Variants in CRYZ observed in about 807,000 individuals in gnomAD.
CRYZ encodes the protein crystallin zeta, also known as zeta-crystallin.
CRYZ carries 35 observed loss-of-function variants against 34.1 expected under a neutral mutation model. The ratio of observed to expected loss-of-function variants is 1.03; its 90% CI spans 0.78 to 1.36. CRYZ has a LOEUF of 1.36. CRYZ is among the 40% of genes most tolerant of loss of function. CRYZ has a pLI of 0.00. For missense variants in CRYZ, 403 were observed against 391.8 expected (o/e 1.03, Z -0.24); for synonymous variants, 137 against 136.5 (o/e 1.00, Z -0.03).
chr1:74,727,309 G>A (rs1405742407), intron 1 of CRYZ, among the ~76,000 whole-genome samples: 7 of 149,550 alleles, frequency 4.7e-5, no homozygotes, highest in African/African-American at 1.2e-4. Context: ...TGGCTGGGGA[G>A]ACCTCACAAT....
chr1:74,714,572 T>C lies in CRYZ; in HGVS notation c.480+7A>G. On this transcript the variant is annotated splice_region_variant and intron_variant, in intron 5 of 8. Coordinates refer to ENST00000340866, the MANE Select transcript of CRYZ (RefSeq NM_001889.4). ...TTGTTTCAAAATACATTAAAAAAAA[T>C]ACTTACTCCTCCACTTGCCCCATGA... is the stretch of plus-strand genomic sequence containing the variant. 6.2e-7 allele frequency: 1 copy of C among 1,612,610 alleles called. No individual in the cohort carries two copies. The highest frequency in any genetic ancestry group is 8.5e-7 in the Non-Finnish European group (1 of 1,178,928).
intron 1 of CRYZ, among the ~76,000 whole-genome samples, chr1:74,730,956 C>T (rs1468980562): frequency 6.6e-6 from 1 of 152,110 alleles, no homozygotes; most frequent in Non-Finnish European, 1.5e-5. Flanking sequence ...ATACAAAGGA[C>T]ATGATTCTAT....
chr1:74,732,597 CGGGGGGGGG>C lies in CRYZ; in HGVS notation c.-14+350_-14+358del, dbSNP rs56898084. Among the ~76,000 whole-genome samples the C allele has an allele frequency of 1.2e-3, 65 of 52,698 alleles. 5 individuals are homozygous for C. The highest frequency in any genetic ancestry group is 1.1e-3 in the Admixed American group (7 of 6,254). The allele number at this position is 52,698 out of a possible 152,430, so 34.6% of individuals were successfully genotyped here. ...AGGGAAAAATCAAGCGGGTGACTGG[CGGGGGGGGG>C]GGGGGGGGGTGCAGCGTGGGGCTGG... is the stretch of plus-strand genomic sequence containing the variant. On this transcript the variant is annotated intron_variant, in intron 1 of 8. Coordinates refer to ENST00000340866, the MANE Select transcript of CRYZ (RefSeq NM_001889.4).
intron 1 of CRYZ, among the ~76,000 whole-genome samples, chr1:74,731,713 C>G (rs1647753773): frequency 6.6e-6 from 1 of 152,144 alleles, no homozygotes; most frequent in African/African-American, 2.4e-5. Flanking sequence ...GAACTCGCTG[C>G]GCTAACCAGA....
intron 5 of CRYZ, among the ~76,000 whole-genome samples, chr1:74,710,520 A>C (rs1007088534): frequency 1.3e-5 from 2 of 152,240 alleles, no homozygotes; most frequent in Admixed American, 1.3e-4. Context: ...ACAGATAAGA[A>C]AGTTGAAGCT....
chr1:74,707,230 G>A, intron 6 of CRYZ, 26 bp from the exon 7 acceptor site: 1 of 1,287,268 alleles, frequency 7.8e-7, no homozygotes, highest in Non-Finnish European at 1.1e-6. Flanking sequence ...GAAATGTAGA[G>A]TAAGATAGCA....
At position 74,724,818 on chromosome 1, in the gene CRYZ, C is replaced by T. The variant is rs772178785; in HGVS notation, c.4G>A (p.Ala2Thr). The change falls in exon 2 of 9, where the codon GCG becomes ACG. Residue 2 changes from alanine to threonine, a missense_variant. By Grantham distance (58) the Ala-to-Thr change is moderately conservative. Transcript: ENST00000340866. M[A>T]TGQKLMRAVR... is the part of the protein sequence containing the mutation. Reference sequence around the variant, plus strand: ...GCTCTCATCAACTTCTGTCCAGTCGCCATGGTGATCTAGATACTAAGGAAG... The same window carrying T: ...GCTCTCATCAACTTCTGTCCAGTCGTCATGGTGATCTAGATACTAAGGAAG... The T allele has an allele frequency of 1.8e-5, 28 of 1,598,852 alleles. 1 individual carries two copies. The Middle Eastern group carries it at 6.6e-4, about 38-fold the overall frequency.
chr1:74,709,132 TG>T (rs757359524), intron 6 of CRYZ, among the ~76,000 whole-genome samples: 20 of 152,098 alleles, frequency 1.3e-4, no homozygotes, highest in Non-Finnish European at 2.9e-4. Context: ...CAAGAAGTTT[TG>T]TGGGAAAGAG....
chr1:74,710,633 T>C (rs1298318214), intron 5 of CRYZ, among the ~76,000 whole-genome samples: 5 of 152,166 alleles, frequency 3.3e-5, no homozygotes, highest in East Asian at 3.9e-4. Context: ...ATCAAGATGT[T>C]TGCAGGGTTT....
Position 74,706,396 on chromosome 1 carries a change from G to A in CRYZ, c.890C>T (p.Pro297Leu). 1 of 1,612,526 alleles carries A rather than the reference G, an allele frequency of 6.2e-7. No homozygotes were observed. The highest frequency in any genetic ancestry group is 1.1e-5 in the South Asian group (1 of 90,834). The change falls in exon 9 of 9, where the codon CCT (proline) becomes CTT (leucine). Residue 297 changes from proline to leucine, a missense_variant. Transcript: ENST00000340866. ...CAATGGATATTGAGAACCTATCACAGGTTTCAACCAGCCAATTTCCATTCC... is the reference window on the plus strand; with the variant it reads ...CAATGGATATTGAGAACCTATCACAAGTTTCAACCAGCCAATTTCCATTCC... ...QAGMEIGWLK[P>L]VIGSQYPLEK...
chr1:74,728,953 G>A (rs1647536886), intron 1 of CRYZ, among the ~76,000 whole-genome samples: 1 of 151,724 alleles, frequency 6.6e-6, no homozygotes. Flanking sequence ...GGCAGGGCTG[G>A]GAAAAAAACA....
rs778423644 is a variant in CRYZ, at chr1:74,723,129, A to T, written c.253T>A (p.Ser85Thr). Residue 85 changes from serine (S) to threonine (T), a missense_variant, in exon 3 of 9, where the codon TCT becomes ACT. Ser to Thr is a moderately conservative substitution (Grantham distance 58, BLOSUM62 1). Transcript: ENST00000340866. Reference protein sequence around the residue: ...GVIEAVGDNASAFKKGDRVFT... With the variant: ...GVIEAVGDNATAFKKGDRVFT... ...TAAAAATGCAATACCTTGAAAGCAGATGCATTATCTCCAACAGCTTCTATC... is the reference window on the plus strand; with the variant it reads ...TAAAAATGCAATACCTTGAAAGCAGTTGCATTATCTCCAACAGCTTCTATC... 42 of 1,610,852 alleles carry T rather than the reference A, an allele frequency of 2.6e-5. No individual in the cohort carries two copies. Among genetic ancestry groups the T allele is most frequent in the Middle Eastern group, 1.6e-4 (1 of 6,072 alleles).
chr1:74,724,594 C>T (rs1647240285), intron 2 of CRYZ, 117 bp downstream of exon 2: 2 of 658,804 alleles, frequency 3.0e-6, no homozygotes, highest in Non-Finnish European at 5.3e-6. Context: ...ATAGTGTAAA[C>T]TGCATCCTAA....
At chr1:74,730,482 T>C (rs1647654504) in intron 1 of CRYZ, 1 of 152,194 alleles carries the variant, frequency 6.6e-6, no homozygotes, top group South Asian at 2.1e-4. Flanking sequence ...AATAGGATAA[T>C]ACTTAAAATC....
intron 3 of CRYZ, among the ~76,000 whole-genome samples, chr1:74,722,070 CAA>C (rs1011491770): frequency 2.0e-5 from 3 of 151,728 alleles, no homozygotes; most frequent in African/African-American, 7.3e-5. Flanking sequence ...ATAATGGCAA[CAA>C]AAAGAGTGTA....
At chr1:74,729,543 G>C (rs1647584755) in intron 1 of CRYZ, among the ~76,000 whole-genome samples, 1 of 151,326 alleles carries the variant, frequency 6.6e-6, no homozygotes, top group East Asian at 1.9e-4. Context: ...TACTCAGAAG[G>C]CTGAGGTGGG....
chr1:74,708,975 G>T (rs1646966678), intron 6 of CRYZ: 1 of 152,146 alleles, frequency 6.6e-6, no homozygotes, highest in Admixed American at 6.5e-5. Context: ...AATCAAACAA[G>T]ATGAAGACTG....
chr1:74,706,060 T>C lies in CRYZ; in HGVS notation c.*236A>G. 2.6e-6 allele frequency: 1 copy of C among 378,524 alleles called. No homozygotes were observed. The highest frequency in any genetic ancestry group is 4.7e-6 in the Non-Finnish European group (1 of 210,982). 23.4% of individuals were successfully genotyped at this position (378,524 alleles called of 1,614,324 possible). A position where few individuals can be genotyped will look rare whatever the true frequency, so the allele number is the denominator to read the frequency against. ...ATGCACACTCATGCCAAATGACAACTAACATGTTATTTCCTACTATGATGA... is the reference window on the plus strand; with the variant it reads ...ATGCACACTCATGCCAAATGACAACCAACATGTTATTTCCTACTATGATGA... On this transcript the variant is annotated 3_prime_UTR_variant, in exon 9 of 9. Transcript: ENST00000340866.
intron 6 of CRYZ, 33 bp from the exon 7 acceptor site, chr1:74,707,237 A>G: frequency 1.6e-6 from 2 of 1,228,356 alleles, no homozygotes; most frequent in Non-Finnish European, 2.3e-6. Context: ...AGAGTAAGAT[A>G]GCAAGTGAAA....
Sources: allele counts gnomAD v4.1 joint callset (sites outside exome capture counted in the v4.1 genomes callset), GRCh38; gene constraint gnomAD v4.1.1; transcripts MANE v1.5; gene names NCBI Gene and HGNC (gene_info 2026-07-23, HGNC 2026-07-21).